Variants in PRAG1 observed in about 807,000 individuals in gnomAD.
PRAG1 encodes PEAK1 related, kinase-activating pseudokinase 1.
Under a neutral mutation model 95.6 loss-of-function variants are expected in PRAG1, and 110 were observed. The ratio of observed to expected loss-of-function variants is 1.15; its 90% CI spans 0.99 to 1.35. The LOEUF is 1.35. Among genes scored for constraint, PRAG1 ranks in the 40% most tolerant of loss-of-function variants. The probability of loss-of-function intolerance (pLI) is 0.00; values close to 1 mark genes in which losing one functional copy is unlikely to be tolerated. For missense variants in PRAG1, 2,554 were observed against 1,864.7 expected (o/e 1.37, Z -6.81); for synonymous variants, 1,052 against 819.4 (o/e 1.28, Z -4.85).
In PRAG1 at chr8:8,378,021, CG is replaced by C; in HGVS notation, c.387del (p.Val130SerfsTer51). ...KLPLPKQEDA[P>X]VVYLGSFRGV... ...CCTCGGAAGCTGCCCAGGTAGACGA[CG>C]GGGGCATCCTCCTGCTTCGGGAGGG... On this transcript the variant is annotated frameshift_variant, in exon 3 of 6. Coordinates refer to ENST00000615670, the MANE Select transcript of PRAG1 (RefSeq NM_001080826.3). LOFTEE classifies it high-confidence loss of function. 10 of 1,579,162 alleles carry C rather than the reference CG, an allele frequency of 6.3e-6. No homozygotes were observed. Among genetic ancestry groups the C allele is most frequent in the African/African-American group, 1.3e-5 (1 of 74,146 alleles).
At chr8:8,333,365 G>A (rs149814309) in intron 4 of PRAG1, among the ~76,000 whole-genome samples, 78 of 152,310 alleles carry the variant, frequency 5.1e-4, no homozygotes, top group African/African-American at 1.8e-3. Flanking sequence ...TTTAGCGAAC[G>A]TGCTTCAGGG....
intron 2 of PRAG1, among the ~76,000 whole-genome samples, chr8:8,380,650 T>G (rs950785502): frequency 6.6e-6 from 1 of 151,692 alleles, no homozygotes; most frequent in African/African-American, 2.4e-5. Context: ...GGTCAAGAGA[T>G]CGAGACCATC....
At chr8:8,350,045 G>T (rs565002117) in intron 3 of PRAG1, among the ~76,000 whole-genome samples, 1 of 151,818 alleles carries the variant, frequency 6.6e-6, no homozygotes, top group African/African-American at 2.4e-5. Flanking sequence ...TTCTTAAATT[G>T]GTCAGATGGA....
chr8:8,352,886 C>A (rs1799568899), intron 3 of PRAG1, among the ~76,000 whole-genome samples: 2 of 152,058 alleles, frequency 1.3e-5, no homozygotes, highest in Non-Finnish European at 2.9e-5. Flanking sequence ...ATATTCCATG[C>A]AAATAATAAC....
At chr8:8,363,914 T>C (rs1799924007) in intron 3 of PRAG1, among the ~76,000 whole-genome samples, 1 of 152,230 alleles carries the variant, frequency 6.6e-6, no homozygotes, top group Non-Finnish European at 1.5e-5. Context: ...CCCATGTTTC[T>C]GGACATATTT....
At chr8:8,373,249 G>A (rs997680454) in intron 3 of PRAG1, among the ~76,000 whole-genome samples, 10 of 152,124 alleles carry the variant, frequency 6.6e-5, no homozygotes, top group South Asian at 4.1e-4. Flanking sequence ...TATCCCCAGC[G>A]GAGGTACTGA....
intron 5 of PRAG1, among the ~76,000 whole-genome samples, chr8:8,323,560 G>A (rs189183731): frequency 3.0e-4 from 46 of 152,052 alleles, no homozygotes; most frequent in Non-Finnish European, 2.1e-4. Flanking sequence ...TCCTGACCTC[G>A]TGATCTACCT....
chr8:8,347,277 A>G (rs1348327925), intron 3 of PRAG1, among the ~76,000 whole-genome samples: 1 of 152,184 alleles, frequency 6.6e-6, no homozygotes, highest in Non-Finnish European at 1.5e-5. Flanking sequence ...AGCCAGCTTC[A>G]GAGGCAGCCG....
At chr8:8,324,118 G>C (rs1322064462) in intron 5 of PRAG1, among the ~76,000 whole-genome samples, 1 of 152,234 alleles carries the variant, frequency 6.6e-6, no homozygotes, top group African/African-American at 2.4e-5. Context: ...TTGCTATGGT[G>C]ACTGCTCTTG....
At chr8:8,356,854 C>A (rs926136147) in intron 3 of PRAG1, among the ~76,000 whole-genome samples, 1 of 152,104 alleles carries the variant, frequency 6.6e-6, no homozygotes, top group Non-Finnish European at 1.5e-5. Context: ...ATGTAATAGA[C>A]TAGAACGTCC....
In PRAG1 at chr8:8,377,358, T is replaced by A. The variant is rs1800449158; in HGVS notation, c.1051A>T (p.Ser351Cys). Residue 351 changes from serine to cysteine, a missense_variant, in exon 3 of 6, where the codon AGC becomes TGC. Ser to Cys is a moderately radical substitution (Grantham distance 112). Transcript: ENST00000615670. ...LSCGSGSGSGSGASSPFVPHL... is the reference protein window; with the variant it reads ...LSCGSGSGSGCGASSPFVPHL... Reference sequence around the variant, plus strand: ...GGGACGAAGGGGCTACTGGCGCCGCTGCCGCTGCCGCTGCCGCTGCCACAA... The same window carrying A: ...GGGACGAAGGGGCTACTGGCGCCGCAGCCGCTGCCGCTGCCGCTGCCACAA... 1.3e-5 allele frequency: 6 copies of A among 470,836 alleles called. No homozygotes were observed. The highest frequency in any genetic ancestry group is 2.2e-5 in the Non-Finnish European group (6 of 276,520). 29.2% of individuals were successfully genotyped at this position (470,836 alleles called of 1,614,324 possible). A position where few individuals can be genotyped will look rare whatever the true frequency, so the allele number is the denominator to read the frequency against.
intron 4 of PRAG1, among the ~76,000 whole-genome samples, chr8:8,329,731 T>G (rs1456929650): frequency 1.3e-5 from 2 of 152,174 alleles, no homozygotes; most frequent in Non-Finnish European, 2.9e-5. Flanking sequence ...GGGAACAGAA[T>G]AGATCCCTGA....
At chr8:8,326,812 C>CA (rs1798649205) in intron 5 of PRAG1, among the ~76,000 whole-genome samples, 1 of 152,152 alleles carries the variant, frequency 6.6e-6, no homozygotes. Context: ...TAGCTATGGG[C>CA]AAATTACTTA....
At chr8:8,379,770 G>A (rs975827677) in intron 2 of PRAG1, among the ~76,000 whole-genome samples, 2 of 152,214 alleles carry the variant, frequency 1.3e-5, no homozygotes, top group African/African-American at 4.8e-5. Flanking sequence ...AGCAGACCCG[G>A]GCTATGTGCC....
At chr8:8,332,711 T>A (rs896501743) in intron 4 of PRAG1, among the ~76,000 whole-genome samples, 6 of 140,976 alleles carry the variant, frequency 4.3e-5, no homozygotes, top group African/African-American at 1.6e-4. Flanking sequence ...TACTTTGAAA[T>A]AGATGCTAAC....
chr8:8,376,250 G>A lies in PRAG1; in HGVS notation c.2159C>T (p.Ser720Leu), dbSNP rs377210076. 5.6e-6 allele frequency: 9 copies of A among 1,612,518 alleles called. No individual in the cohort carries two copies. Among genetic ancestry groups the A allele is most frequent in the Non-Finnish European group, 7.6e-6 (9 of 1,179,462 alleles). The change falls in exon 3 of 6, where the codon TCG becomes TTG. Residue 720 changes from serine (S) to leucine (L), a missense_variant. Physicochemically the swap from Ser to Leu is moderately radical, Grantham distance 145. Transcript: ENST00000615670. ...CCAGGCAGACAATGGTACTCACCGC[G>A]ACTTTGGAGGCGGAGGAGGAGGTGA... ...TFSPPPPPPK[S>L]RHLLKMNKSS...
At chr8:8,358,463 T>C (rs574665597) in intron 3 of PRAG1, among the ~76,000 whole-genome samples, 1 of 152,138 alleles carries the variant, frequency 6.6e-6, no homozygotes, top group Non-Finnish European at 1.5e-5. Context: ...TGGGTTGGAG[T>C]GGGACTGAAA....
chr8:8,341,080 C>G (rs1387110848), intron 3 of PRAG1, among the ~76,000 whole-genome samples: 1 of 152,186 alleles, frequency 6.6e-6, no homozygotes, highest in Non-Finnish European at 1.5e-5. Flanking sequence ...TCATGCATAA[C>G]AACTCCTCAG....
rs3892998 is a variant in PRAG1 at position 8,378,095 on chromosome 8, C to T, written c.331-17G>A. Reference sequence around the variant, plus strand: ...CCAGATGACCTACACACAAGCCCAACGCAAAAAGACTTATATTAGAACTTG... The same window carrying T: ...CCAGATGACCTACACACAAGCCCAATGCAAAAAGACTTATATTAGAACTTG... On this transcript the variant is annotated splice_polypyrimidine_tract_variant and intron_variant, in intron 2 of 5. Transcript: ENST00000615670. 1.5e-3 allele frequency: 2,315 copies of T among 1,511,446 alleles called. 28 individuals are homozygous for T. The African/African-American group carries it at 0.027, about 18-fold the overall frequency. The allele number at this position is 1,511,446 out of a possible 1,614,324, so 93.6% of individuals were successfully genotyped here.
Sources: allele counts gnomAD v4.1 joint callset (sites outside exome capture counted in the v4.1 genomes callset), GRCh38; gene constraint gnomAD v4.1.1; transcripts MANE v1.5; gene names NCBI Gene and HGNC (gene_info 2026-07-23, HGNC 2026-07-21).